NUMA1: variants seen among roughly 807,000 people sequenced by gnomAD.
NUMA1 encodes nuclear mitotic apparatus protein 1, also known as SP-H antigen.
A neutral mutation model predicts 237.1 loss-of-function variants in NUMA1; 62 were observed. That is an observed-to-expected ratio of 0.26 (90% CI 0.21 to 0.32). The LOEUF (loss-of-function observed/expected upper bound fraction) is 0.32, where lower values mean the gene tolerates loss of function less well. Ranked by LOEUF, NUMA1 falls within the 10% of genes least tolerant of loss-of-function variation. The pLI is 1.00. For synonymous variants in NUMA1, 1,028 were observed against 1,066.1 expected, an observed-to-expected ratio of 0.96 and a Z score of 0.70; for missense variants, 2,533 against 2,666.5, an observed-to-expected ratio of 0.95 and a Z score of 1.10.
intron 2 of NUMA1, among the ~76,000 whole-genome samples, chr11:72,064,412 G>C (rs1943108242): frequency 6.6e-6 from 1 of 151,772 alleles, no homozygotes; most frequent in South Asian, 2.1e-4. Context: ...CAGTGAGCTA[G>C]GATTGCAACT....
rs1956406510 is a variant in NUMA1, at chr11:72,014,805, C to G, written c.2698G>C (p.Asp900His). 6.2e-7 allele frequency: 1 copy of G among 1,614,098 alleles called. No individual in the cohort carries two copies. The highest frequency in any genetic ancestry group is 8.5e-7 in the Non-Finnish European group (1 of 1,180,038). Residue 900 changes from aspartate (D) to histidine (H), a missense_variant, in exon 15 of 27, where the codon GAT (aspartate) becomes CAT (histidine). By Grantham distance (81) the Asp-to-His change is moderately conservative (BLOSUM62 -1). Around this residue, in one of 3 missense-constraint regions of NUMA1, gnomAD observed 1,414 missense variants for 1,508.1 expected, o/e 0.94. Coordinates refer to ENST00000393695, the MANE Select transcript of NUMA1 (RefSeq NM_006185.4). This position sits in a 1 kb window ranked among gnomAD's most constrained non-coding sequence, Gnocchi z 4.6. ...TTTTCCTGCAGAGTGGAGAGGTCAT[C>G]TGCAAGCTTCTGGGCCCTGACTTCC... The part of the protein sequence containing the change: ...EKEVRAQKLA[D>H]DLSTLQEKMA...
rs776309091 is a variant in NUMA1 at position 72,003,973 on chromosome 11, T to C, written c.6250A>G (p.Thr2084Ala). Residue 2084 changes from threonine to alanine, a missense_variant, in exon 26 of 27, where the codon ACC becomes GCC. Thr to Ala is a moderately conservative substitution (Grantham distance 58). This residue lies in a region of NUMA1 where 795 missense variants were observed against 750.8 expected (regional missense o/e 1.06). Coordinates refer to ENST00000393695, the MANE Select transcript of NUMA1 (RefSeq NM_006185.4). ...SKASPNTRSG[T>A]RRSPRIATTT... ...GTGGCAATGCGCGGAGAACGGCGGGTTCCACTGCGAGTGTTGGGGGAAGCC... is the reference window on the plus strand; with the variant it reads ...GTGGCAATGCGCGGAGAACGGCGGGCTCCACTGCGAGTGTTGGGGGAAGCC... 1.4e-5 allele frequency: 22 copies of C among 1,608,644 alleles called. No homozygotes were observed. The highest frequency in any genetic ancestry group is 1.9e-5 in the Non-Finnish European group (22 of 1,178,578).
intron 6 of NUMA1, 38 bp downstream of exon 6, chr11:72,023,027 C>A: frequency 2.6e-6 from 4 of 1,520,496 alleles, no homozygotes; most frequent in African/African-American, 1.4e-5. Flanking sequence ...ATCACCCCAA[C>A]CCTGCCCTGC....
At chr11:72,004,145 C>T (rs2134341064) in intron 25 of NUMA1, 46 bp from the exon 26 acceptor site, 1 of 1,610,466 alleles carries the variant, frequency 6.2e-7, no homozygotes, top group South Asian at 1.1e-5. Context: ...GCTGCCTTCC[C>T]AGGCCAGCGT....
At chr11:72,073,127 G>C (rs2136304285) in intron 1 of NUMA1, among the ~76,000 whole-genome samples, 1 of 149,540 alleles carries the variant, frequency 6.7e-6, no homozygotes, top group East Asian at 2.0e-4. Context: ...GCGAGGCCGA[G>C]GCAGGAGGAT....
At chr11:72,073,984 G>C (rs1018187651) in intron 1 of NUMA1, among the ~76,000 whole-genome samples, 1 of 152,082 alleles carries the variant, frequency 6.6e-6, no homozygotes, top group East Asian at 1.9e-4. Flanking sequence ...CTGAGGTCAG[G>C]AGTTCAAGAC....
intron 2 of NUMA1, among the ~76,000 whole-genome samples, chr11:72,048,156 C>G (rs1038051139): frequency 1.3e-5 from 2 of 152,002 alleles, no homozygotes; most frequent in Admixed American, 6.6e-5. Context: ...GGGTGCAGTG[C>G]TGCGATCTCC....
At chr11:72,021,318 C>T in intron 7 of NUMA1, 27 bp from the exon 8 acceptor site, 2 of 1,606,006 alleles carry the variant, frequency 1.2e-6, no homozygotes, top group Non-Finnish European at 1.7e-6. Flanking sequence ...AAAAGAGCAT[C>T]ACTTAGGTGT....
At chr11:72,057,180 T>C (rs1942702650) in intron 2 of NUMA1, among the ~76,000 whole-genome samples, 1 of 152,134 alleles carries the variant, frequency 6.6e-6, no homozygotes, top group East Asian at 1.9e-4. Flanking sequence ...CACATCTCCT[T>C]GTACAAGCTC....
intron 22 of NUMA1, 113 bp downstream of exon 22, chr11:72,005,922 T>C (rs1042112647): frequency 4.6e-6 from 4 of 865,736 alleles, no homozygotes; most frequent in African/African-American, 1.7e-5. Context: ...TGGAGCTGGA[T>C]GGTAGCAAGG....
chr11:72,049,382 T>A (rs1942179270), intron 2 of NUMA1: 2 of 150,956 alleles, frequency 1.3e-5, no homozygotes, highest in South Asian at 4.2e-4. Flanking sequence ...GGCAAATTAC[T>A]GAGAACCAAG....
intron 4 of NUMA1, among the ~76,000 whole-genome samples, chr11:72,028,066 G>A (rs774955141): frequency 2.6e-5 from 4 of 152,110 alleles, no homozygotes; most frequent in Non-Finnish European, 5.9e-5. Flanking sequence ...GATAACCCAC[G>A]ATCAACACAC....
chr11:72,003,374 C>A lies in NUMA1; in HGVS notation c.*153G>T. 7 of 753,602 alleles carry A rather than the reference C, an allele frequency of 9.3e-6. No homozygotes were observed. The South Asian group carries it at 1.1e-4, about 12-fold the overall frequency. The allele number at this position is 753,602 out of a possible 1,614,324, so 46.7% of individuals were successfully genotyped here. A position where few individuals can be genotyped will look rare whatever the true frequency, so the allele number is the denominator to read the frequency against. ...AAGGCGCCAGTGAAGGACCAGGGAC[C>A]AGGCCAGGGTGCGGGCAGGCATCAC... On this transcript the variant is annotated 3_prime_UTR_variant, in exon 27 of 27. Coordinates refer to ENST00000393695, the MANE Select transcript of NUMA1 (RefSeq NM_006185.4).
chr11:72,062,722 A>C (rs1431507423), intron 2 of NUMA1: 1 of 152,196 alleles, frequency 6.6e-6, no homozygotes, highest in Non-Finnish European at 1.5e-5. Context: ...CTCAAAAAAC[A>C]AACAAAGAAC....
chr11:72,073,838 A>G (rs970267889), intron 1 of NUMA1, among the ~76,000 whole-genome samples: 3 of 152,306 alleles, frequency 2.0e-5, no homozygotes, highest in African/African-American at 7.2e-5. Flanking sequence ...CCTGTGCCTC[A>G]GTTGCCTTCC....
chr11:72,013,679 T>C lies in NUMA1; in HGVS notation c.3824A>G (p.Glu1275Gly). 1 of 1,609,374 alleles carries C rather than the reference T, an allele frequency of 6.2e-7. No homozygotes were observed. Among genetic ancestry groups the C allele is most frequent in the Non-Finnish European group, 8.5e-7 (1 of 1,179,962 alleles). ...LEERLRLLQA[E>G]TASNSARAAE... ...AGCTCTGGCACTGTTGCTGGCTGTCTCTGCCTGCAGCAGGCGCAGCCTCTC... is the reference window on the plus strand; with the variant it reads ...AGCTCTGGCACTGTTGCTGGCTGTCCCTGCCTGCAGCAGGCGCAGCCTCTC... Residue 1275 changes from glutamate (E) to glycine (G), a missense_variant, in exon 15 of 27, where the codon GAG (glutamate) becomes GGG (glycine). Transcript: ENST00000393695. This position sits in a 1 kb window ranked among gnomAD's most constrained non-coding sequence, Gnocchi z 6.8.
Position 72,029,253 on chromosome 11 carries a change from A to G in NUMA1, c.80T>C (p.Val27Ala). ...GATGCTGCAGTCCTGGAGCTGCAGCACAGCCTCCACAGGGTCAGCCACGTG... is the reference window on the plus strand; with the variant it reads ...GATGCTGCAGTCCTGGAGCTGCAGCGCAGCCTCCACAGGGTCAGCCACGTG... ...SLHVADPVEA[V>A]LQLQDCSIFI... The change falls in exon 4 of 27, where the codon GTG (valine) becomes GCG (alanine). Residue 27 changes from valine to alanine, a missense_variant. By Grantham distance (64) the Val-to-Ala change is moderately conservative. Coordinates refer to ENST00000393695, the MANE Select transcript of NUMA1 (RefSeq NM_006185.4). 1.9e-6 allele frequency: 3 copies of G among 1,610,218 alleles called. No individual in the cohort carries two copies. The highest frequency in any genetic ancestry group is 3.3e-4 in the Middle Eastern group (2 of 6,050).
intron 19 of NUMA1, 28 bp from the exon 20 acceptor site, chr11:72,008,873 T>C: frequency 6.2e-7 from 1 of 1,612,282 alleles, no homozygotes; most frequent in Non-Finnish European, 8.5e-7. Flanking sequence ...AGGGGGAGAG[T>C]GAAGAAAAGC....
chr11:72,054,601 TGATCTTCATTAGCAAA>T (rs1417837715), intron 2 of NUMA1, among the ~76,000 whole-genome samples: 1 of 152,050 alleles, frequency 6.6e-6, no homozygotes, highest in Non-Finnish European at 1.5e-5. Context: ...GCAACTGTCA[TGATCTTCATTAGCAAA>T]GATCATGAGG....
Sources: allele counts gnomAD v4.1 joint callset (sites outside exome capture counted in the v4.1 genomes callset), GRCh38; gene constraint gnomAD v4.1.1; regional missense constraint gnomAD v4.1.1; non-coding constraint Gnocchi (gnomAD v3.1); transcripts MANE v1.5; gene names NCBI Gene and HGNC (gene_info 2026-07-23, HGNC 2026-07-21).